Variants in SLC12A7 observed in about 807,000 individuals in gnomAD.
The protein encoded by SLC12A7 is solute carrier family 12 member 7, also known as K-Cl cotransporter 4.
A neutral mutation model predicts 120.6 loss-of-function variants in SLC12A7; 100 were observed. The ratio of observed to expected loss-of-function variants is 0.83; its 90% CI spans 0.71 to 0.98. The LOEUF (loss-of-function observed/expected upper bound fraction) is 0.98, where lower values mean the gene tolerates loss of function less well. Ranked by LOEUF, SLC12A7 falls within the 50% of genes least tolerant of loss-of-function variation. The pLI is 0.00. For missense variants in SLC12A7, 1,373 were observed against 1,548.1 expected (o/e 0.89, Z 1.90); for synonymous variants, 760 against 678.0 (o/e 1.12, Z -1.88).
intron 18 of SLC12A7, 76 bp downstream of exon 18, chr5:1,065,205 CAG>C (rs1455318212): frequency 1.2e-4 from 1 of 8,142 alleles, no homozygotes; most frequent in African/African-American, 1.5e-4. Flanking sequence ...AGGAGACACA[CAG>C]GGGACAGCGA....
chr5:1,077,076 C>A (rs1738439333), intron 12 of SLC12A7, among the ~76,000 whole-genome samples: 1 of 91,654 alleles, frequency 1.1e-5, no homozygotes, highest in African/African-American at 3.2e-5. Context: ...GCCTCAGTTT[C>A]CCCGACCACA....
In SLC12A7 at chr5:1,111,945, CCGTCGG is replaced by C. The variant is rs780665377; in HGVS notation, c.41_46del (p.Ala14_Asp15del). ...CCGCTCGGCAGTCTCGTCCCCGCCG[CCGTCGG>C]CGTGAGCCTCCACGGGCACCACGGT... On this transcript the variant is annotated inframe_deletion, in exon 1 of 24. Transcript: ENST00000264930. The C allele has an allele frequency of 1.2e-5, 16 of 1,295,026 alleles. No individual in the cohort carries two copies. The highest frequency in any genetic ancestry group is 1.5e-5 in the Non-Finnish European group (15 of 1,021,210). The allele number at this position is 1,295,026 out of a possible 1,614,324, so 80.2% of individuals were successfully genotyped here. A position where few individuals can be genotyped will look rare whatever the true frequency, so the allele number is the denominator to read the frequency against.
chr5:1,053,349 A>G lies in SLC12A7; in HGVS notation c.3160T>C (p.Tyr1054His). ...GCAGGCACACTGCAAGAAAGGATAC[A>G]GTTCTCGTCTCCCTGCCGGTTTTTG... ...PPKNRQGDEN[Y>H]MEFLEVLTEG... Residue 1054 changes from tyrosine (Y) to histidine (H), a missense_variant and splice_region_variant, in exon 23 of 24, where the codon TAC (tyrosine) becomes CAC (histidine). Coordinates refer to ENST00000264930, the MANE Select transcript of SLC12A7 (RefSeq NM_006598.3). 2 of 1,613,708 alleles carry G rather than the reference A, an allele frequency of 1.2e-6. No homozygotes were observed. The highest frequency in any genetic ancestry group is 1.7e-6 in the Non-Finnish European group (2 of 1,179,894).
the SLC12A7 span, among the ~76,000 whole-genome samples, chr5:1,143,320 T>C: frequency 1.3e-5 from 2 of 152,216 alleles, no homozygotes; most frequent in African/African-American, 2.4e-5. Flanking sequence ...CACTAGAAAT[T>C]GTTCCCTCGC....
rs947730286 is a variant in SLC12A7 at position 1,088,916 on chromosome 5, G to A, written c.489+66C>T. The A allele has an allele frequency of 1.9e-6, 3 of 1,593,564 alleles. No homozygotes were observed. In the African/African-American group the frequency reaches 4.0e-5, roughly 21 times the overall value. ...AGCGGCCAGGGGAGACGGCATCTGGGGAGAGCCCTACTGTCCAGCTGCCAC... is the reference window on the plus strand; with the variant it reads ...AGCGGCCAGGGGAGACGGCATCTGGAGAGAGCCCTACTGTCCAGCTGCCAC... On this transcript the variant is annotated intron_variant, in intron 4 of 23. Coordinates refer to ENST00000264930, the MANE Select transcript of SLC12A7 (RefSeq NM_006598.3).
At chr5:1,082,462 C>A (rs1402360544) in intron 8 of SLC12A7, among the ~76,000 whole-genome samples, 5 of 134,494 alleles carry the variant, frequency 3.7e-5, no homozygotes, top group African/African-American at 1.4e-4. Flanking sequence ...TGGGCTTCCT[C>A]TCTAGGGTTC....
the SLC12A7 span, among the ~76,000 whole-genome samples, chr5:1,148,805 C>T: frequency 6.6e-6 from 1 of 152,208 alleles, no homozygotes; most frequent in African/African-American, 2.4e-5. Context: ...AGGTAGACTG[C>T]AGTCTCCTGT....
In SLC12A7 at chr5:1,087,159, G is replaced by A. The variant is rs930691818; in HGVS notation, c.545-126C>T. The A allele has an allele frequency of 1.2e-5, 15 of 1,260,902 alleles. No individual in the cohort carries two copies. In the East Asian group the frequency reaches 1.3e-4, roughly 11 times the overall value. The allele number at this position is 1,260,902 out of a possible 1,614,324, so 78.1% of individuals were successfully genotyped here. A position where few individuals can be genotyped will look rare whatever the true frequency, so the allele number is the denominator to read the frequency against. On this transcript the variant is annotated intron_variant, in intron 5 of 23. Coordinates refer to ENST00000264930, the MANE Select transcript of SLC12A7 (RefSeq NM_006598.3). ...CTGCGAAGGCAGCGTGTAGACCCTC[G>A]TCCACCCGCAAAGCAGCACATGGAG...
chr5:1,124,188 C>A, the SLC12A7 span, among the ~76,000 whole-genome samples: 1 of 152,218 alleles, frequency 6.6e-6, no homozygotes, highest in Non-Finnish European at 1.5e-5. Context: ...TCCTCAGGGA[C>A]CCACTTCACA....
At chr5:1,073,539 G>C (rs375312216) in intron 17 of SLC12A7, 94 bp downstream of exon 17, 3 of 1,374,034 alleles carry the variant, frequency 2.2e-6, no homozygotes, top group East Asian at 5.1e-5. Flanking sequence ...GCACAGCACC[G>C]TGTTGACACG....
chr5:1,095,343 G>A (rs954017358), intron 1 of SLC12A7, among the ~76,000 whole-genome samples: 5 of 152,214 alleles, frequency 3.3e-5, no homozygotes, highest in African/African-American at 1.2e-4. Flanking sequence ...GCCTGCCCGG[G>A]ACCCCTGAGC....
At chr5:1,155,735 G>C in the SLC12A7 span, among the ~76,000 whole-genome samples, 2 of 150,926 alleles carry the variant, frequency 1.3e-5, no homozygotes, top group Non-Finnish European at 3.0e-5. Flanking sequence ...CAGGCGGCTC[G>C]GGCGCGGCTG....
At chr5:1,065,259 C>T (rs377720284) in intron 18 of SLC12A7, 24 bp downstream of exon 18, 60 of 1,530,262 alleles carry the variant, frequency 3.9e-5, no homozygotes, top group Admixed American at 9.7e-5. Flanking sequence ...GAGGGGATGC[C>T]GAAGGGCCGC....
intron 18 of SLC12A7, 47 bp downstream of exon 18, chr5:1,065,236 C>T (rs539033603): frequency 2.1e-6 from 3 of 1,400,684 alleles, no homozygotes; most frequent in Non-Finnish European, 2.9e-6. Flanking sequence ...TGAGAGGACA[C>T]AGAGGGGACG....
chr5:1,155,824 C>T, the SLC12A7 span, among the ~76,000 whole-genome samples: 1 of 151,226 alleles, frequency 6.6e-6, no homozygotes. Flanking sequence ...GCCCCGGGCC[C>T]CGCACCCCCC....
At chr5:1,108,083 C>T (rs1742673215) in intron 1 of SLC12A7, among the ~76,000 whole-genome samples, 1 of 152,116 alleles carries the variant, frequency 6.6e-6, no homozygotes, top group Admixed American at 6.5e-5. Flanking sequence ...GAGCACAGTA[C>T]ACATGTATGC....
chr5:1,081,166 G>C (rs1217765990), intron 9 of SLC12A7, among the ~76,000 whole-genome samples: 1 of 152,078 alleles, frequency 6.6e-6, no homozygotes, highest in African/African-American at 2.4e-5. Context: ...CAAAGACAAA[G>C]GAAGAGAAAG....
At chr5:1,084,227 G>A (rs576340650) in intron 7 of SLC12A7, among the ~76,000 whole-genome samples, 1 of 152,316 alleles carries the variant, frequency 6.6e-6, no homozygotes, top group African/African-American at 2.4e-5. Flanking sequence ...ACGCTGTACT[G>A]TACAGCCGTC....
At position 1,083,876 on chromosome 5, in the gene SLC12A7, G is replaced by C; in HGVS notation, c.998C>G (p.Ser333Ter). The change falls in exon 8 of 24, where the codon TCA (serine) becomes TGA (stop). Residue 333 changes from serine (S) to a stop codon, truncating the protein, a stop_gained. Transcript: ENST00000264930. LOFTEE classifies it high-confidence loss of function. ...GAGGCCCCAGAGCGCGGAGGTGGCT[G>C]AGTTGTTGTGGATGCCGTAGGCCTT... ...CVKAYGIHNN[S>*]ATSALWGLFC... 1 of 1,608,554 alleles carries C rather than the reference G, an allele frequency of 6.2e-7. No individual in the cohort carries two copies. The highest frequency in any genetic ancestry group is 8.5e-7 in the Non-Finnish European group (1 of 1,178,058).
Sources: gnomAD v4.1 joint callset for allele counts (sites outside exome capture counted in the v4.1 genomes callset) on GRCh38, gnomAD v4.1.1 for gene constraint, MANE v1.5 for transcripts, NCBI Gene and HGNC (gene_info 2026-07-23, HGNC 2026-07-21) for gene names.